The following PHLPP1 variants were observed in gnomAD, a reference collection of about 807,000 sequenced individuals.
PHLPP1 encodes PH domain and leucine rich repeat protein phosphatase 1, also known as PH domain leucine-rich repeat-containing protein phosphatase 1.
In PHLPP1, 42 loss-of-function variants were observed where a neutral mutation model predicts 117.2. The observed-to-expected ratio is 0.36, with a 90% CI of 0.28 to 0.46. The LOEUF (loss-of-function observed/expected upper bound fraction) is 0.46. PHLPP1 is among the 20% of genes least tolerant of loss of function. The pLI is 1.00. For synonymous variants in PHLPP1, 1,042 were observed against 970.7 expected (o/e 1.07, Z -1.37); for missense variants, 2,084 against 2,241.9 (o/e 0.93, Z 1.42).
At chr18:62,961,165 G>T (rs778294916) in intron 13 of PHLPP1, among the ~76,000 whole-genome samples, 3 of 152,120 alleles carry the variant, frequency 2.0e-5, no homozygotes, top group Non-Finnish European at 2.9e-5. Context: ...GCGAGGTGAC[G>T]CATGCCTGCA....
At chr18:62,818,643 C>G (rs1914359066) in intron 1 of PHLPP1, among the ~76,000 whole-genome samples, 1 of 151,918 alleles carries the variant, frequency 6.6e-6, no homozygotes, top group South Asian at 2.1e-4. Context: ...CCATTGAGGT[C>G]AAAGGAAAAA....
At chr18:62,803,257 C>G (rs1268634559) in intron 1 of PHLPP1, among the ~76,000 whole-genome samples, 4 of 152,026 alleles carry the variant, frequency 2.6e-5, no homozygotes, top group Admixed American at 6.6e-5. Flanking sequence ...AAAATCAGAT[C>G]TTTTATTAGA....
intron 1 of PHLPP1, among the ~76,000 whole-genome samples, chr18:62,775,405 T>G (rs1373713082): frequency 6.6e-6 from 1 of 152,222 alleles, no homozygotes; most frequent in African/African-American, 2.4e-5. Context: ...AGCCCACTAA[T>G]AAGACATTCC....
At chr18:62,789,480 G>A (rs1447110129) in intron 1 of PHLPP1, among the ~76,000 whole-genome samples, 1 of 152,118 alleles carries the variant, frequency 6.6e-6, no homozygotes, top group East Asian at 1.9e-4. Context: ...ATTGTTCCCA[G>A]AATTTTCTGG....
At chr18:62,976,483 A>G (rs779158354) in intron 16 of PHLPP1, among the ~76,000 whole-genome samples, 1 of 152,242 alleles carries the variant, frequency 6.6e-6, no homozygotes, top group Non-Finnish European at 1.5e-5. Context: ...GCAAACCATG[A>G]TTCATGTAGG....
chr18:62,925,187 A>G (rs140361247), intron 10 of PHLPP1, among the ~76,000 whole-genome samples: 2 of 152,274 alleles, frequency 1.3e-5, no homozygotes, highest in African/African-American at 4.8e-5. Flanking sequence ...AGGGATTGCC[A>G]TCCTTCTGTT....
intron 4 of PHLPP1, among the ~76,000 whole-genome samples, chr18:62,888,688 C>T (rs1211024452): frequency 1.3e-5 from 2 of 152,056 alleles, no homozygotes; most frequent in Admixed American, 6.6e-5. Context: ...ACACAGTGGA[C>T]CCTGTCTCAA....
chr18:62,885,712 G>A (rs554459287), intron 4 of PHLPP1, among the ~76,000 whole-genome samples: 2 of 152,294 alleles, frequency 1.3e-5, no homozygotes, highest in South Asian at 2.1e-4. Context: ...AATAAAGGTA[G>A]GGAAGTTGGA....
rs1911285269 is a variant in PHLPP1, at chr18:62,978,817, C to A, written c.4540C>A (p.Gln1514Lys). ...SENSPAYPSE[Q>K]RCMLHPICLS... ...GAACAGCCCTGCCTACCCCAGTGAG[C>A]AGCGCTGCATGCTCCACCCCATCTG... The change falls in exon 17 of 17, where the codon CAG becomes AAG. Residue 1514 changes from glutamine to lysine, a missense_variant. By Grantham distance (53) the Gln-to-Lys change is moderately conservative. Around this residue, in one of 2 missense-constraint regions of PHLPP1, gnomAD observed 1,365 missense variants for 1,605.9 expected, o/e 0.85. Coordinates refer to ENST00000262719, the MANE Select transcript of PHLPP1 (RefSeq NM_194449.4). The surrounding 1 kb of genome is among the most constrained non-coding windows in gnomAD (Gnocchi z 7.0). 6.2e-7 allele frequency: 1 copy of A among 1,610,566 alleles called. No homozygotes were observed. Among genetic ancestry groups the A allele is most frequent in the African/African-American group, 1.3e-5 (1 of 74,856 alleles).
chr18:62,724,710 C>A (rs776975017), intron 1 of PHLPP1, among the ~76,000 whole-genome samples: 1 of 152,138 alleles, frequency 6.6e-6, no homozygotes, highest in African/African-American at 2.4e-5. Context: ...TTAGTCGTTT[C>A]TCTATTCAAG....
intron 10 of PHLPP1, among the ~76,000 whole-genome samples, chr18:62,933,602 A>G (rs1488958416): frequency 6.6e-6 from 1 of 152,224 alleles, no homozygotes; most frequent in Non-Finnish European, 1.5e-5. Context: ...CCCACCATAT[A>G]CAAAAACTAA....
intron 10 of PHLPP1, among the ~76,000 whole-genome samples, chr18:62,928,534 G>T (rs1909713885): frequency 6.6e-6 from 1 of 152,166 alleles, no homozygotes; most frequent in South Asian, 2.1e-4. Context: ...AAAATGGAGA[G>T]AAACTGAAAC....
chr18:62,734,720 C>G (rs913465864), intron 1 of PHLPP1, among the ~76,000 whole-genome samples: 2 of 152,192 alleles, frequency 1.3e-5, no homozygotes, highest in African/African-American at 4.8e-5. Flanking sequence ...AATTACCTGC[C>G]AGTGGGTATT....
chr18:62,750,898 A>G (rs962619580), intron 1 of PHLPP1, among the ~76,000 whole-genome samples: 6 of 152,206 alleles, frequency 3.9e-5, no homozygotes, highest in South Asian at 2.1e-4. Context: ...TTCAAGTACA[A>G]TAGAGAGTGG....
chr18:62,755,630 C>T (rs1019434207), intron 1 of PHLPP1, among the ~76,000 whole-genome samples: 2 of 152,196 alleles, frequency 1.3e-5, no homozygotes, highest in African/African-American at 2.4e-5. Flanking sequence ...ATCTGACCCT[C>T]ACCAGACATC....
chr18:62,793,498 A>T (rs1913525425), intron 1 of PHLPP1, among the ~76,000 whole-genome samples: 1 of 152,212 alleles, frequency 6.6e-6, no homozygotes, highest in Admixed American at 6.5e-5. Flanking sequence ...CCTTGTCCAG[A>T]CAGTCAGCCT....
At chr18:62,824,081 G>A (rs1914542113) in intron 1 of PHLPP1, 5 of 428,958 alleles carry the variant, frequency 1.2e-5, no homozygotes, top group Admixed American at 7.7e-5. Context: ...GCAGTGAGCC[G>A]AGATCATGGC....
chr18:62,838,884 T>G lies in PHLPP1; in HGVS notation c.1874T>G (p.Leu625Ter). The G allele has an allele frequency of 6.2e-7, 1 of 1,613,874 alleles. No homozygotes were observed. Among genetic ancestry groups the G allele is most frequent in the Non-Finnish European group, 8.5e-7 (1 of 1,179,824 alleles). The change falls in exon 3 of 17, where the codon TTA becomes TGA. Residue 625 changes from leucine to a stop codon, truncating the protein, a stop_gained. Coordinates refer to ENST00000262719, the MANE Select transcript of PHLPP1 (RefSeq NM_194449.4). LOFTEE classifies it high-confidence loss of function. ...TGCTTTGATACTTTCACAGAATACT[T>G]AAGGTGGCTGCGACAAGTCTCCAAG... is the stretch of plus-strand genomic sequence containing the variant. Reference protein sequence around the residue: ...YICFDTFTEYLRWLRQVSKVA... With the variant: ...YICFDTFTEY
chr18:62,749,367 G>C (rs1426553845), intron 1 of PHLPP1, among the ~76,000 whole-genome samples: 1 of 152,102 alleles, frequency 6.6e-6, no homozygotes, highest in African/African-American at 2.4e-5. Context: ...GGAAAAGTAT[G>C]TGGGAGAAAG....
Sources: allele counts gnomAD v4.1 joint callset (sites outside exome capture counted in the v4.1 genomes callset), GRCh38; gene constraint gnomAD v4.1.1; regional missense constraint gnomAD v4.1.1; non-coding constraint Gnocchi (gnomAD v3.1); transcripts MANE v1.5; gene names NCBI Gene and HGNC (gene_info 2026-07-23, HGNC 2026-07-21).